The following TMPRSS11F variants were observed in gnomAD, a reference collection of about 807,000 sequenced individuals.
TMPRSS11F encodes transmembrane serine protease 11F, also known as transmembrane protease serine 11F.
A neutral mutation model predicts 60.2 loss-of-function variants in TMPRSS11F; 47 were observed. The ratio of observed to expected loss-of-function variants is 0.78; its 90% CI spans 0.62 to 1.00. The LOEUF is 1.00. Among genes scored for constraint, TMPRSS11F ranks in the 50% least tolerant of loss-of-function variants. The pLI, the probability that TMPRSS11F is intolerant of heterozygous loss-of-function variation, is 0.00. For missense variants in TMPRSS11F, 519 were observed against 522.9 expected (o/e 0.99, Z 0.07); for synonymous variants, 166 against 167.3 (o/e 0.99, Z 0.06).
At chr4:68,117,241 G>A (rs542526498) in intron 1 of TMPRSS11F, among the ~76,000 whole-genome samples, 17 of 152,106 alleles carry the variant, frequency 1.1e-4, no homozygotes, top group African/African-American at 4.1e-4. Context: ...GCCGAGGGGG[G>A]CGGATCACGA....
chr4:68,059,362 A>C lies in TMPRSS11F; in HGVS notation c.1122T>G (p.Cys374Trp). 1 of 1,613,930 alleles carries C rather than the reference A, an allele frequency of 6.2e-7. No individual in the cohort carries two copies. Among genetic ancestry groups the C allele is most frequent in the Non-Finnish European group, 8.5e-7 (1 of 1,179,954 alleles). ...CTATTTTTCCTTCCATGAATCCAGC[A>C]CATAACATTCCTGGAGTTATCAGGC... is the stretch of plus-strand genomic sequence containing the variant. The part of the protein sequence containing the change: ...YDGLITPGML[C>W]AGFMEGKIDA... Residue 374 changes from cysteine to tryptophan, a missense_variant, in exon 9 of 10, where the codon TGT becomes TGG. Physicochemically the swap from Cys to Trp is radical, Grantham distance 215. Transcript: ENST00000356291.
chr4:68,055,164 A>G (rs932556357), intron 9 of TMPRSS11F, among the ~76,000 whole-genome samples: 4 of 152,178 alleles, frequency 2.6e-5, no homozygotes, highest in African/African-American at 9.7e-5. Flanking sequence ...AGGGGCAAAT[A>G]GTGTGTGATG....
intron 8 of TMPRSS11F, among the ~76,000 whole-genome samples, chr4:68,059,762 A>T (rs1023523832): frequency 2.0e-5 from 3 of 152,118 alleles, no homozygotes; most frequent in Admixed American, 2.0e-4. Flanking sequence ...TCCTCATTAG[A>T]TTCTCATACA....
chr4:68,053,685 G>A lies in TMPRSS11F; in HGVS notation c.*224C>T. The A allele has an allele frequency of 4.8e-6, 2 of 417,492 alleles. 1 individual carries two copies. Among genetic ancestry groups the A allele is most frequent in the Admixed American group, 8.3e-5 (2 of 24,128 alleles). 25.9% of individuals were successfully genotyped at this position (417,492 alleles called of 1,614,324 possible). A position where few individuals can be genotyped will look rare whatever the true frequency, so the allele number is the denominator to read the frequency against. On this transcript the variant is annotated 3_prime_UTR_variant, in exon 10 of 10. Coordinates refer to ENST00000356291, the MANE Select transcript of TMPRSS11F (RefSeq NM_207407.2). The stretch of plus-strand genomic sequence containing the variant: ...ACAAGCAGTTTCCCTTGTGAGTAAG[G>A]AATAGGTGCTGTCTGTCATTTGCTG...
At chr4:68,060,377 G>C (rs1224822483) in intron 8 of TMPRSS11F, among the ~76,000 whole-genome samples, 2 of 150,450 alleles carry the variant, frequency 1.3e-5, no homozygotes, top group Admixed American at 6.6e-5. Flanking sequence ...TTAGCCAGGC[G>C]TGATGGCGGG....
At chr4:68,106,896 G>A (rs1053604389) in intron 1 of TMPRSS11F, among the ~76,000 whole-genome samples, 2 of 151,966 alleles carry the variant, frequency 1.3e-5, no homozygotes, top group African/African-American at 4.8e-5. Flanking sequence ...TTAGACCTTC[G>A]AGTTCTAGAT....
chr4:68,074,968 T>C (rs987887053), intron 3 of TMPRSS11F, among the ~76,000 whole-genome samples: 15 of 152,242 alleles, frequency 9.9e-5, no homozygotes, highest in Non-Finnish European at 2.2e-4. Flanking sequence ...CATAATCTGG[T>C]CTCAAAATAA....
At position 68,109,791 on chromosome 4, in the gene TMPRSS11F, T is replaced by C. The variant is rs539819205; in HGVS notation, c.12-10753A>G. ...ACCCTCCATTGGGTTTATTTCTGTGTTTGTTTTTAACATCATTAAAACAAG... is the reference window on the plus strand; with the variant it reads ...ACCCTCCATTGGGTTTATTTCTGTGCTTGTTTTTAACATCATTAAAACAAG... On this transcript the variant is annotated intron_variant, in intron 1 of 9. Coordinates refer to ENST00000356291, the MANE Select transcript of TMPRSS11F (RefSeq NM_207407.2). 6.6e-5 allele frequency among the ~76,000 whole-genome samples: 10 copies of C among 152,312 alleles called. 2 individuals carry two copies. The highest frequency in any genetic ancestry group is 2.4e-4 in the African/African-American group (10 of 41,582).
intron 1 of TMPRSS11F, among the ~76,000 whole-genome samples, chr4:68,105,182 T>C (rs1044601208): frequency 1.3e-5 from 2 of 151,612 alleles, no homozygotes; most frequent in African/African-American, 4.8e-5. Context: ...TTAACAACCT[T>C]TTATCATACT....
intron 1 of TMPRSS11F, among the ~76,000 whole-genome samples, chr4:68,121,378 T>G (rs1724622736): frequency 6.6e-6 from 1 of 152,184 alleles, no homozygotes; most frequent in Non-Finnish European, 1.5e-5. Flanking sequence ...TCCAGTACAC[T>G]CTCTTCTGAA....
intron 8 of TMPRSS11F, chr4:68,062,537 T>A (rs1180973777): frequency 3.9e-6 from 3 of 760,258 alleles, no homozygotes; most frequent in Non-Finnish European, 7.3e-6. Flanking sequence ...GTTTGCTTAT[T>A]GTATTCATCG....
At chr4:68,076,242 T>C (rs1490124083) in intron 3 of TMPRSS11F, among the ~76,000 whole-genome samples, 1 of 152,210 alleles carries the variant, frequency 6.6e-6, no homozygotes, top group Non-Finnish European at 1.5e-5. Context: ...AGGCATATAA[T>C]TACCATTTCT....
chr4:68,116,545 G>A (rs1724523407), intron 1 of TMPRSS11F, among the ~76,000 whole-genome samples: 1 of 152,108 alleles, frequency 6.6e-6, no homozygotes, highest in African/African-American at 2.4e-5. Context: ...AAGCAATTTT[G>A]AGCAAGAACA....
intron 1 of TMPRSS11F, among the ~76,000 whole-genome samples, chr4:68,124,145 C>T (rs1412464043): frequency 1.3e-5 from 2 of 151,550 alleles, no homozygotes; most frequent in African/African-American, 2.4e-5. Context: ...CACTTGAACC[C>T]GAGTGGCGGA....
intron 1 of TMPRSS11F, among the ~76,000 whole-genome samples, chr4:68,112,356 C>T (rs181127174): frequency 2.0e-5 from 3 of 152,236 alleles, no homozygotes; most frequent in East Asian, 3.9e-4. Context: ...TTAAATGTTA[C>T]ATCTCCATGG....
chr4:68,054,673 G>T (rs1392177359), intron 9 of TMPRSS11F, among the ~76,000 whole-genome samples: 1 of 152,116 alleles, frequency 6.6e-6, no homozygotes, highest in Non-Finnish European at 1.5e-5. Context: ...CTGGCTGTAT[G>T]ACCCTAGGTG....
intron 3 of TMPRSS11F, among the ~76,000 whole-genome samples, chr4:68,079,262 C>T (rs1295190868): frequency 5.9e-5 from 9 of 151,814 alleles, no homozygotes; most frequent in Non-Finnish European, 1.3e-4. Flanking sequence ...TAAGGTGGCA[C>T]AGGAAGTGGT....
At chr4:68,127,340 T>A (rs967841743) in intron 1 of TMPRSS11F, among the ~76,000 whole-genome samples, 1 of 152,150 alleles carries the variant, frequency 6.6e-6, no homozygotes, top group Non-Finnish European at 1.5e-5. Flanking sequence ...TGTAGCAGCA[T>A]GTCAGTATTT....
intron 2 of TMPRSS11F, among the ~76,000 whole-genome samples, chr4:68,097,057 C>T (rs1487355327): frequency 6.6e-6 from 1 of 152,182 alleles, no homozygotes; most frequent in Non-Finnish European, 1.5e-5. Context: ...TCATGGTCTA[C>T]CTTCTCCTGT....
Sources: allele counts gnomAD v4.1 joint callset (sites outside exome capture counted in the v4.1 genomes callset), GRCh38; gene constraint gnomAD v4.1.1; transcripts MANE v1.5; gene names NCBI Gene and HGNC (gene_info 2026-07-23, HGNC 2026-07-21).